Variants in CSTPP1 observed in about 807,000 individuals in gnomAD.
CSTPP1 encodes the protein UPF0705 protein C11orf49.
At chr11:47,123,238 G>A in the CSTPP1 span, 2 of 152,174 alleles carry the variant, frequency 1.3e-5, no homozygotes, top group East Asian at 1.9e-4. Flanking sequence ...AAGCATACGT[G>A]TTATTCGGTG....
At chr11:47,102,428 G>A in the CSTPP1 span, among the ~76,000 whole-genome samples, 2 of 151,862 alleles carry the variant, frequency 1.3e-5, no homozygotes, top group Non-Finnish European at 2.9e-5. Flanking sequence ...TCTAGAATAT[G>A]CCTTCTCAAT....
At chr11:46,945,080 A>G in the CSTPP1 span, among the ~76,000 whole-genome samples, 3 of 152,186 alleles carry the variant, frequency 2.0e-5, no homozygotes, top group African/African-American at 7.2e-5. Context: ...TTCCAGACAC[A>G]TTCTATTTTT....
chr11:47,128,084 C>T, the CSTPP1 span, among the ~76,000 whole-genome samples: 1 of 152,130 alleles, frequency 6.6e-6, no homozygotes, highest in Non-Finnish European at 1.5e-5. Flanking sequence ...ACCATGTTGG[C>T]CAGGCTGGTC....
At chr11:47,080,446 C>T in the CSTPP1 span, among the ~76,000 whole-genome samples, 1 of 152,126 alleles carries the variant, frequency 6.6e-6, no homozygotes, top group East Asian at 1.9e-4. Context: ...CAGAGTGAAA[C>T]TCCGTCTCAA....
the CSTPP1 span, among the ~76,000 whole-genome samples, chr11:46,967,949 G>A: frequency 1.3e-5 from 2 of 152,058 alleles, no homozygotes; most frequent in Admixed American, 1.3e-4. Flanking sequence ...GGGCTCCGGT[G>A]AGCTGAGTGG....
At chr11:47,142,631 GATGTGAGGGAGCTT>G in the CSTPP1 span, among the ~76,000 whole-genome samples, 1 of 152,076 alleles carries the variant, frequency 6.6e-6, no homozygotes, top group African/African-American at 2.4e-5. Flanking sequence ...CCTTTCCCAT[GATGTGAGGGAGCTT>G]ATGAGAGTGA....
the CSTPP1 span, among the ~76,000 whole-genome samples, chr11:47,093,964 G>T: frequency 6.6e-6 from 1 of 152,176 alleles, no homozygotes; most frequent in Non-Finnish European, 1.5e-5. Flanking sequence ...AAAGTAAATG[G>T]AATACATGCT....
At chr11:47,164,277 GA>G in the CSTPP1 span, 1 of 1,601,150 alleles carries the variant, frequency 6.2e-7, no homozygotes, top group South Asian at 1.1e-5. Flanking sequence ...ACTGGGCAGG[GA>G]GGCAGGATCC....
At chr11:46,954,399 TTTGG>T in the CSTPP1 span, among the ~76,000 whole-genome samples, 1 of 151,530 alleles carries the variant, frequency 6.6e-6, no homozygotes, top group African/African-American at 2.4e-5. Flanking sequence ...AAATACAAAA[TTTGG>T]TTGGGTATGG....
chr11:47,007,001 G>T, the CSTPP1 span, among the ~76,000 whole-genome samples: 51 of 111,112 alleles, frequency 4.6e-4, no homozygotes, highest in Admixed American at 1.0e-3. Context: ...ATTTTGTGTG[G>T]TTTTTTTTTT....
the CSTPP1 span, among the ~76,000 whole-genome samples, chr11:46,981,995 A>G: frequency 6.6e-6 from 1 of 152,018 alleles, no homozygotes; most frequent in African/African-American, 2.4e-5. Context: ...AACTGTTTAA[A>G]CCATTAAGCT....
the CSTPP1 span, among the ~76,000 whole-genome samples, chr11:47,074,758 A>C: frequency 6.6e-6 from 1 of 152,220 alleles, no homozygotes; most frequent in South Asian, 2.1e-4. Context: ...TAAGTACAAA[A>C]TGTCAGCCAT....
the CSTPP1 span, among the ~76,000 whole-genome samples, chr11:47,014,918 A>T: frequency 6.6e-6 from 1 of 152,188 alleles, no homozygotes; most frequent in Non-Finnish European, 1.5e-5. Context: ...AAAATTAGTG[A>T]AGCCAAGCAG....
the CSTPP1 span, chr11:46,987,149 A>C: frequency 1.3e-6 from 2 of 1,528,406 alleles, no homozygotes; most frequent in South Asian, 1.1e-5. Context: ...TAGGATTGGG[A>C]TCATTCTTTT....
chr11:47,074,764 G>C, the CSTPP1 span, among the ~76,000 whole-genome samples: 2 of 152,222 alleles, frequency 1.3e-5, no homozygotes, highest in South Asian at 4.2e-4. Context: ...CAAAATGTCA[G>C]CCATAAAGTT....
At chr11:47,137,762 C>T in the CSTPP1 span, 11 of 1,596,994 alleles carry the variant, frequency 6.9e-6, no homozygotes, top group East Asian at 2.5e-4. Flanking sequence ...ACCAACTCAG[C>T]TCTCTGTGGG....
At chr11:46,954,195 A>G in the CSTPP1 span, among the ~76,000 whole-genome samples, 1 of 152,240 alleles carries the variant, frequency 6.6e-6, no homozygotes, top group Non-Finnish European at 1.5e-5. Flanking sequence ...AATAATAATT[A>G]GAAGAAACAG....
At chr11:47,140,338 T>G in the CSTPP1 span, among the ~76,000 whole-genome samples, 1 of 152,238 alleles carries the variant, frequency 6.6e-6, no homozygotes, top group Admixed American at 6.5e-5. Context: ...TCTTGTAATT[T>G]AAAAGCAGCC....
the CSTPP1 span, among the ~76,000 whole-genome samples, chr11:47,056,162 T>C: frequency 1.3e-5 from 2 of 152,162 alleles, no homozygotes; most frequent in Non-Finnish European, 2.9e-5. Context: ...GAAAAGTCAA[T>C]CTTCCGTATA....
Sources: gnomAD v4.1 joint callset for allele counts (sites outside exome capture counted in the v4.1 genomes callset) on GRCh38, gnomAD v4.1.1 for gene constraint, MANE v1.5 for transcripts, NCBI Gene and HGNC (gene_info 2026-07-23, HGNC 2026-07-21) for gene names.